AFDN: variants seen among roughly 807,000 people sequenced by gnomAD.
AFDN encodes afadin, adherens junction formation factor.
Under a neutral mutation model 216.6 loss-of-function variants are expected in AFDN, and 68 were observed. The observed-to-expected ratio is 0.31, with a 90% CI of 0.26 to 0.38. The LOEUF (loss-of-function observed/expected upper bound fraction) is 0.38, where lower values mean the gene tolerates loss of function less well. AFDN is among the 10% of genes least tolerant of loss of function. AFDN has a pLI of 1.00. For synonymous variants in AFDN, 868 were observed against 853.7 expected (o/e 1.02, Z -0.29); for missense variants, 2,136 against 2,342.0 (o/e 0.91, Z 1.82).
At chr6:167,826,733 C>A, upstream of AFDN, 1 of 389,144 alleles carries the variant, frequency 2.6e-6, no homozygotes, top group Non-Finnish European at 5.1e-6. Flanking sequence ...ACCCTAGCAC[C>A]GCGCGGGGCC....
At chr6:167,953,326 T>C (rs904648764) in intron 30 of AFDN, among the ~76,000 whole-genome samples, 1 of 152,190 alleles carries the variant, frequency 6.6e-6, no homozygotes, top group Admixed American at 6.5e-5. Context: ...TTGTGAGTCC[T>C]TAGATCCTTG....
Position 167,898,276 on chromosome 6 carries a change from C to T in AFDN, c.1389C>T (p.Pro463=), listed in dbSNP as rs898300763. ...TNMDGVVTVT[P]RSMDAETYVE... Reference sequence around the variant, plus strand: ...TGGATGGAGTGGTCACTGTGACGCCCAGAAGTATGGACGCAGAAACCTACG... The same window carrying T: ...TGGATGGAGTGGTCACTGTGACGCCTAGAAGTATGGACGCAGAAACCTACG... The change falls in exon 11 of 34, where the codon CCC becomes CCT. Residue 463 remains proline (P), a synonymous_variant. Transcript: ENST00000683244. 2 of 1,613,990 alleles carry T rather than the reference C, an allele frequency of 1.2e-6. No homozygotes were observed. The highest frequency in any genetic ancestry group is 2.7e-5 in the African/African-American group (2 of 74,894).
intron 1 of AFDN, among the ~76,000 whole-genome samples, chr6:167,856,225 A>G (rs1174148000): frequency 6.6e-6 from 1 of 152,134 alleles, no homozygotes; most frequent in Non-Finnish European, 1.5e-5. Flanking sequence ...ATGCTGACAT[A>G]TTGTTATAAC....
intron 31 of AFDN, chr6:167,963,060 C>A: frequency 9.3e-7 from 1 of 1,069,672 alleles, no homozygotes; most frequent in Non-Finnish European, 1.1e-6. Flanking sequence ...GCTTAGAAAA[C>A]ATGATACAGG....
intron 26 of AFDN, among the ~76,000 whole-genome samples, chr6:167,945,993 A>C (rs1008323279): frequency 3.3e-5 from 5 of 152,200 alleles, no homozygotes; most frequent in African/African-American, 1.2e-4. Context: ...GTTGGTACCT[A>C]ATAGTAACAA....
intron 19 of AFDN, among the ~76,000 whole-genome samples, chr6:167,915,735 C>G (rs1356439697): frequency 1.3e-5 from 2 of 152,144 alleles, no homozygotes; most frequent in Non-Finnish European, 2.9e-5. Flanking sequence ...GGTGGTGACA[C>G]CAAGCAACTG....
chr6:167,948,019 C>A, intron 28 of AFDN, 75 bp downstream of exon 28: 1 of 1,129,322 alleles, frequency 8.9e-7, no homozygotes, highest in Non-Finnish European at 1.3e-6. Context: ...TCTCAGTTAT[C>A]TAGTACAATT....
chr6:167,857,317 A>G lies in AFDN; in HGVS notation c.106-7234A>G, dbSNP rs1267991714. Among the ~76,000 whole-genome samples the G allele has an allele frequency of 4.6e-5, 7 of 152,096 alleles. No homozygotes were observed. The South Asian group carries it at 8.3e-4, about 18-fold the overall frequency. ...GCCTTAGTCATAATGTATCTGGACT[A>G]TATCAAGGACTTCAATAATGTTTTT... On this transcript the variant is annotated intron_variant, in intron 1 of 33. Coordinates refer to ENST00000683244, the MANE Select transcript of AFDN (RefSeq NM_001386888.1).
intron 23 of AFDN, among the ~76,000 whole-genome samples, chr6:167,933,358 A>G (rs778669068): frequency 1.6e-4 from 24 of 152,216 alleles, no homozygotes; most frequent in Non-Finnish European, 2.6e-4. Flanking sequence ...TAAAAATGAG[A>G]TGGTAAAGAC....
intron 1 of AFDN, among the ~76,000 whole-genome samples, 187 bp downstream of exon 1, chr6:167,827,424 C>T (rs1162539639): frequency 6.9e-6 from 1 of 145,428 alleles, no homozygotes; most frequent in Non-Finnish European, 1.5e-5. Flanking sequence ...GCCCCCGTCC[C>T]CCTGCCGCGG....
intron 1 of AFDN, among the ~76,000 whole-genome samples, chr6:167,862,296 G>A (rs1442714457): frequency 2.6e-5 from 4 of 152,244 alleles, no homozygotes; most frequent in East Asian, 3.9e-4. Context: ...GGCGGTGAGC[G>A]TGGCCTGTCA....
intron 5 of AFDN, among the ~76,000 whole-genome samples, chr6:167,878,571 C>T (rs999162112): frequency 1.4e-5 from 2 of 148,108 alleles, no homozygotes; most frequent in African/African-American, 4.9e-5. Flanking sequence ...TGCATGCACG[C>T]ACGCACACAC....
At chr6:167,940,578 C>A (rs1252231064) in intron 23 of AFDN, among the ~76,000 whole-genome samples, 1 of 27,022 alleles carries the variant, frequency 3.7e-5, no homozygotes, top group Non-Finnish European at 5.9e-5. Context: ...AGGGTGGAAA[C>A]CATCCACAGG....
At chr6:167,876,951 A>T (rs1181012031) in intron 5 of AFDN, among the ~76,000 whole-genome samples, 1 of 152,156 alleles carries the variant, frequency 6.6e-6, no homozygotes, top group Non-Finnish European at 1.5e-5. Context: ...TTGTAGCCTA[A>T]GCTTTATATC....
intron 31 of AFDN, chr6:167,964,871 T>A (rs1797382538): frequency 9.4e-7 from 1 of 1,065,040 alleles, no homozygotes; most frequent in Admixed American, 5.3e-5. Flanking sequence ...TACTTTTTTC[T>A]TGTGCTCTAA....
At chr6:167,868,570 A>G (rs1384516425) in intron 2 of AFDN, among the ~76,000 whole-genome samples, 1 of 152,192 alleles carries the variant, frequency 6.6e-6, no homozygotes, top group Non-Finnish European at 1.5e-5. Context: ...CTTTGAGTTT[A>G]GGACTTGAAC....
chr6:167,884,800 G>T (rs140500012), intron 6 of AFDN, among the ~76,000 whole-genome samples: 1 of 152,052 alleles, frequency 6.6e-6, no homozygotes, highest in African/African-American at 2.4e-5. Flanking sequence ...AGCTTCATTC[G>T]CCCCTAACAA....
intron 32 of AFDN, among the ~76,000 whole-genome samples, chr6:167,968,139 A>G (rs962013236): frequency 6.6e-6 from 1 of 152,260 alleles, no homozygotes; most frequent in Non-Finnish European, 1.5e-5. Flanking sequence ...CTCAAAAGAT[A>G]TAATACAATG....
intron 1 of AFDN, among the ~76,000 whole-genome samples, chr6:167,840,030 A>AG (rs1780889177): frequency 6.6e-6 from 1 of 152,186 alleles, no homozygotes; most frequent in Non-Finnish European, 1.5e-5. Context: ...TTGTGGTGGA[A>AG]GACAGGCACA....
Sources: allele counts gnomAD v4.1 joint callset (sites outside exome capture counted in the v4.1 genomes callset), GRCh38; gene constraint gnomAD v4.1.1; transcripts MANE v1.5; gene names NCBI Gene and HGNC (gene_info 2026-07-23, HGNC 2026-07-21).